Variants in TYMP observed in about 807,000 individuals in gnomAD.
TYMP encodes thymidine phosphorylase.
Under a neutral mutation model 42.3 loss-of-function variants are expected in TYMP, and 46 were observed. The ratio of observed to expected loss-of-function variants is 1.09; its 90% CI spans 0.86 to 1.39. TYMP has a LOEUF of 1.39. TYMP is among the 40% of genes most tolerant of loss of function. The pLI, the probability that TYMP is intolerant of heterozygous loss-of-function variation, is 0.00. For missense variants in TYMP, 837 were observed against 677.6 expected (o/e 1.24, Z -2.61); for synonymous variants, 363 against 308.0 (o/e 1.18, Z -1.87).
chr22:50,525,945 C>T (rs558314287), intron 9 of TYMP, 27 bp from the exon 10 acceptor site: 6 of 1,417,968 alleles, frequency 4.2e-6, no homozygotes, highest in Non-Finnish European at 5.5e-6. Flanking sequence ...TGTTAGAGGC[C>T]GCGCGGCCGG....
chr22:50,529,668 C>T lies in TYMP; in HGVS notation c.42G>A (p.Ala14=), dbSNP rs2069520858. ...TCCCTTCCCCGGAGAAGTCACCAGG[C>T]GCGGGTGGGGCCCCGGTTCCCGGGG... ...LMTPGTGAPP[A]PGDFSGEGSQ... is the part of the protein sequence containing the mutation. Residue 14 remains alanine (A), a synonymous_variant, in exon 2 of 10, where the codon GCG becomes GCA. Coordinates refer to ENST00000252029, the MANE Select transcript of TYMP (RefSeq NM_001953.5). 2.5e-6 allele frequency: 4 copies of T among 1,612,206 alleles called. No homozygotes were observed. In the East Asian group the frequency reaches 6.7e-5, roughly 27 times the overall value.
In TYMP at chr22:50,526,146, G is replaced by C. The variant is rs1209454912; in HGVS notation, c.1160-5C>G. The C allele has an allele frequency of 6.1e-6, 9 of 1,482,354 alleles. No homozygotes were observed. The highest frequency in any genetic ancestry group is 7.1e-6 in the Non-Finnish European group (8 of 1,123,092). 91.8% of individuals were successfully genotyped at this position (1,482,354 alleles called of 1,614,324 possible). The stretch of plus-strand genomic sequence containing the variant: ...CCCGGACCAGCTCCACGGTGCCTGC[G>C]GGGAGAGGGGCTGAGAGGCGCGGGC... On this transcript the variant is annotated splice_region_variant and splice_polypyrimidine_tract_variant and intron_variant, in intron 8 of 9. Coordinates refer to ENST00000252029, the MANE Select transcript of TYMP (RefSeq NM_001953.5).
chr22:50,529,450 C>A (rs759344919), intron 2 of TYMP, 46 bp downstream of exon 2: 3 of 1,608,804 alleles, frequency 1.9e-6, no homozygotes, highest in East Asian at 4.5e-5. Flanking sequence ...GTCTCTCGGG[C>A]TGACCTCCCA....
chr22:50,527,938 C>CTT, intron 4 of TYMP: 18 of 533,730 alleles, frequency 3.4e-5, no homozygotes, highest in East Asian at 2.6e-4. Flanking sequence ...CCACACGCGG[C>CTT]TTTTTTTTTT....
chr22:50,527,939 T>G, intron 4 of TYMP: 1 of 494,482 alleles, frequency 2.0e-6, no homozygotes, highest in Non-Finnish European at 3.6e-6. Flanking sequence ...CACACGCGGC[T>G]TTTTTTTTTC....
At chr22:50,529,087 G>T in intron 3 of TYMP, 49 bp downstream of exon 3, 1 of 1,588,980 alleles carries the variant, frequency 6.3e-7, no homozygotes, top group Non-Finnish European at 8.6e-7. Flanking sequence ...TGGACTGGTT[G>T]CTGCATGTGC....
Position 50,528,706 on chromosome 22 carries a change from G to T in TYMP, c.418-96C>A, listed in dbSNP as rs561611788. 3.0e-6 allele frequency: 3 copies of T among 1,013,200 alleles called. No homozygotes were observed. The South Asian group carries it at 4.0e-5, about 14-fold the overall frequency. 62.8% of individuals were successfully genotyped at this position (1,013,200 alleles called of 1,614,324 possible). ...CTGGCTAGGAGTGCAGCTGGATTTG[G>T]AAAGTATTTAAGCAGCTATAGGGGT... On this transcript the variant is annotated intron_variant, in intron 3 of 9. Coordinates refer to ENST00000252029, the MANE Select transcript of TYMP (RefSeq NM_001953.5).
At chr22:50,527,413 G>T in intron 5 of TYMP, 130 bp from the exon 6 acceptor site, 2 of 1,246,356 alleles carry the variant, frequency 1.6e-6, no homozygotes, top group Non-Finnish European at 2.4e-6. Flanking sequence ...GGGGGTGGCA[G>T]CACCTGGTGG....
Position 50,527,615 on chromosome 22 carries a change from T to A in TYMP, c.619A>T (p.Thr207Ser). The change falls in exon 5 of 10, where the codon ACC (threonine) becomes TCC (serine). Residue 207 changes from threonine to serine, a missense_variant. Transcript: ENST00000252029. ...ILYAARDVTA[T>S]VDSLPLITAS... ...GTGATGAGTGGCAGGCTGTCCACGG[T>A]GGCTGTCACATCTCTGGCTGCATAT... The A allele has an allele frequency of 6.2e-7, 1 of 1,613,908 alleles. No individual in the cohort carries two copies. Among genetic ancestry groups the A allele is most frequent in the Non-Finnish European group, 8.5e-7 (1 of 1,180,018 alleles).
Position 50,527,286 on chromosome 22 carries a change from T to A in TYMP, c.647-3A>T. 6.2e-7 allele frequency: 1 copy of A among 1,607,238 alleles called. No homozygotes were observed. Among genetic ancestry groups the A allele is most frequent in the Non-Finnish European group, 8.5e-7 (1 of 1,174,284 alleles). ...GAGTTTCTTACTGAGAATGGAGGCT[T>A]TGGGGGAGGCAGAGGAGGTTGGAGA... On this transcript the variant is annotated splice_polypyrimidine_tract_variant and splice_region_variant and intron_variant, in intron 5 of 9. Coordinates refer to ENST00000252029, the MANE Select transcript of TYMP (RefSeq NM_001953.5).
At chr22:50,529,083 G>A in intron 3 of TYMP, 53 bp downstream of exon 3, 1 of 1,582,178 alleles carries the variant, frequency 6.3e-7, no homozygotes, top group Non-Finnish European at 8.7e-7. Context: ...TGGATGGACT[G>A]GTTGCTGCAT....
At chr22:50,529,046 G>T in intron 3 of TYMP, 90 bp downstream of exon 3, 2 of 1,370,660 alleles carry the variant, frequency 1.5e-6, no homozygotes, top group Non-Finnish European at 2.1e-6. Flanking sequence ...GAGGCTTTGG[G>T]CCAGGCTTGA....
rs11479 is a variant in TYMP at position 50,525,807 on chromosome 22, G to T, written c.1412C>A (p.Ser471Ter). The change falls in exon 10 of 10, where the codon TCG becomes TAG. Residue 471 changes from serine (S) to a stop codon, truncating the protein, a stop_gained. Coordinates refer to ENST00000252029, the MANE Select transcript of TYMP (RefSeq NM_001953.5). LOFTEE classifies it high-confidence loss of function. The stretch of plus-strand genomic sequence containing the variant: ...CGGCAGAACGAGCTCTGCGAAGGGC[G>T]AGGGGGCGGCGAATGGCGCGCGGTC... ...LSDRAPFAAP[S>*]PFAELVLPPQ... 2 of 1,610,464 alleles carry T rather than the reference G, an allele frequency of 1.2e-6. No individual in the cohort carries two copies. The highest frequency in any genetic ancestry group is 1.7e-6 in the Non-Finnish European group (2 of 1,178,928).
chr22:50,526,162 A>G (rs1569522079), intron 8 of TYMP, 21 bp from the exon 9 acceptor site: 6 of 1,470,222 alleles, frequency 4.1e-6, no homozygotes, highest in South Asian at 1.3e-5. Flanking sequence ...AGGGGCTGAG[A>G]GGCGCGGGCT....
In TYMP at chr22:50,529,162, G is replaced by T. The variant is rs863224255; in HGVS notation, c.391C>A (p.Pro131Thr). The T allele has an allele frequency of 9.9e-6, 16 of 1,613,250 alleles. No individual in the cohort carries two copies. The highest frequency in any genetic ancestry group is 1.3e-5 in the African/African-American group (1 of 75,052). Reference sequence around the variant, plus strand: ...TTGCAGCCACATGCCGCCAGGGCAGGTGCGAGGACCAGGCTGACCTTGTCA... The same window carrying T: ...TTGCAGCCACATGCCGCCAGGGCAGTTGCGAGGACCAGGCTGACCTTGTCA... ...VGDKVSLVLA[P>T]ALAACGCKVP... Residue 131 changes from proline (P) to threonine (T), a missense_variant, in exon 3 of 10, where the codon CCT becomes ACT. Coordinates refer to ENST00000252029, the MANE Select transcript of TYMP (RefSeq NM_001953.5).
chr22:50,529,164 G>A lies in TYMP; in HGVS notation c.389C>T (p.Ala130Val), dbSNP rs1449781565. Reference protein sequence around the residue: ...GVGDKVSLVLAPALAACGCKV... With the variant: ...GVGDKVSLVLVPALAACGCKV... ...GCAGCCACATGCCGCCAGGGCAGGT[G>A]CGAGGACCAGGCTGACCTTGTCACC... The change falls in exon 3 of 10, where the codon GCA (alanine) becomes GTA (valine). Residue 130 changes from alanine (A) to valine (V), a missense_variant. Transcript: ENST00000252029. The A allele has an allele frequency of 1.4e-5, 23 of 1,613,142 alleles. No homozygotes were observed. The highest frequency in any genetic ancestry group is 1.8e-5 in the Non-Finnish European group (21 of 1,180,018).
At chr22:50,526,824 C>T in intron 6 of TYMP, 86 bp from the exon 7 acceptor site, 1 of 1,406,144 alleles carries the variant, frequency 7.1e-7, no homozygotes, top group Non-Finnish European at 9.6e-7. Context: ...CTGCTGCACC[C>T]TGGGTTGCCA....
Position 50,525,919 on chromosome 22 carries a change from C to T in TYMP, c.1301-1G>A, listed in dbSNP as rs773785934. ...CGGTGCACGCGGAGCCAGGGGGTCC[C>T]TGCAGAGCGAGGGGCTGTTAGAGGC... On this transcript the variant is annotated splice_acceptor_variant, in intron 9 of 9. Transcript: ENST00000252029. LOFTEE classifies it high-confidence loss of function. 1 of 1,514,630 alleles carries T rather than the reference C, an allele frequency of 6.6e-7. No homozygotes were observed. Among genetic ancestry groups the T allele is most frequent in the Non-Finnish European group, 8.8e-7 (1 of 1,134,634 alleles). 93.8% of individuals were successfully genotyped at this position (1,514,630 alleles called of 1,614,324 possible).
At chr22:50,527,047 G>T (rs555815678) in intron 6 of TYMP, 118 bp downstream of exon 6, 4 of 864,432 alleles carry the variant, frequency 4.6e-6, no homozygotes, top group African/African-American at 1.6e-5. Flanking sequence ...GGCAGAAGAG[G>T]GTGGGACTGG....
Sources: allele counts gnomAD v4.1 joint callset, GRCh38; gene constraint gnomAD v4.1.1; transcripts MANE v1.5; gene names NCBI Gene and HGNC (gene_info 2026-07-23, HGNC 2026-07-21).